The following ROBO1 variants were observed in gnomAD, a reference collection of about 807,000 sequenced individuals.
The protein encoded by ROBO1 is roundabout guidance receptor 1.
A neutral mutation model predicts 195.9 loss-of-function variants in ROBO1; 149 were observed. That is an observed-to-expected ratio of 0.76 (90% CI 0.67 to 0.87). The LOEUF is 0.87. ROBO1 is among the 40% of genes least tolerant of loss of function. ROBO1 has a pLI of 0.00. For synonymous variants in ROBO1, 816 were observed against 733.2 expected (o/e 1.11, Z -1.82); for missense variants, 1,933 against 2,068.3 (o/e 0.93, Z 1.27).
At chr3:79,653,021 T>A (rs1946056540) in intron 1 of ROBO1, among the ~76,000 whole-genome samples, 2 of 151,902 alleles carry the variant, frequency 1.3e-5, no homozygotes, top group African/African-American at 4.8e-5. Context: ...AATATGTTTT[T>A]GCTTCACTTA....
intron 2 of ROBO1, among the ~76,000 whole-genome samples, chr3:79,400,334 G>A (rs963149878): frequency 3.9e-5 from 6 of 151,912 alleles, no homozygotes; most frequent in Admixed American, 3.9e-4. Flanking sequence ...TTTAACAAAT[G>A]CTAATATAAG....
intron 3 of ROBO1, 123 bp downstream of exon 3, chr3:79,125,333 G>C: frequency 1.3e-6 from 1 of 765,608 alleles, no homozygotes. Flanking sequence ...TTTGAAAAAT[G>C]AGAAATTGTG....
chr3:79,335,879 A>G (rs1244965680), intron 2 of ROBO1, among the ~76,000 whole-genome samples: 6 of 152,210 alleles, frequency 3.9e-5, no homozygotes, highest in Non-Finnish European at 7.3e-5. Context: ...CAAAATGCTG[A>G]TAGTGATATG....
intron 30 of ROBO1, among the ~76,000 whole-genome samples, chr3:78,599,177 G>T (rs1053039703): frequency 1.3e-5 from 2 of 152,164 alleles, no homozygotes; most frequent in African/African-American, 4.8e-5. Flanking sequence ...AGGGCTCTGA[G>T]AAGCGGGAAG....
intron 2 of ROBO1, among the ~76,000 whole-genome samples, chr3:79,316,228 C>T (rs2033731780): frequency 6.6e-6 from 1 of 151,982 alleles, no homozygotes. Flanking sequence ...GTAGGGCAAA[C>T]TGATTGGAGG....
At chr3:78,995,284 AT>A (rs2077336169) in intron 3 of ROBO1, among the ~76,000 whole-genome samples, 1 of 152,132 alleles carries the variant, frequency 6.6e-6, no homozygotes, top group African/African-American at 2.4e-5. Flanking sequence ...GGAATGCTAC[AT>A]TGCACAAATC....
chr3:79,015,926 G>C (rs2077920703), intron 3 of ROBO1, among the ~76,000 whole-genome samples: 1 of 152,128 alleles, frequency 6.6e-6, no homozygotes, highest in South Asian at 2.1e-4. Context: ...AAGAAAAAAA[G>C]AACTGACAAC....
At chr3:78,638,597 C>T (rs1300048679) in intron 22 of ROBO1, among the ~76,000 whole-genome samples, 1 of 152,114 alleles carries the variant, frequency 6.6e-6, no homozygotes, top group Non-Finnish European at 1.5e-5. Flanking sequence ...ATGCCAGGCA[C>T]AGTAGCTCAC....
At chr3:79,649,521 C>T (rs903173139) in intron 1 of ROBO1, among the ~76,000 whole-genome samples, 4 of 151,844 alleles carry the variant, frequency 2.6e-5, no homozygotes, top group Admixed American at 6.6e-5. Context: ...TTTAAACACT[C>T]GTGAATCAAA....
intron 2 of ROBO1, among the ~76,000 whole-genome samples, chr3:79,447,731 G>A (rs772817050): frequency 2.0e-5 from 3 of 152,050 alleles, no homozygotes; most frequent in Non-Finnish European, 4.4e-5. Context: ...CTAATGTTAT[G>A]GATACACTAG....
At chr3:78,793,249 C>A (rs576017148) in intron 4 of ROBO1, among the ~76,000 whole-genome samples, 41 of 152,004 alleles carry the variant, frequency 2.7e-4, no homozygotes, top group African/African-American at 8.4e-4. Flanking sequence ...AATACAAATA[C>A]GAGTTCATTA....
At chr3:78,693,179 T>C (rs2081213424) in intron 8 of ROBO1, 1 of 807,910 alleles carries the variant, frequency 1.2e-6, no homozygotes. Flanking sequence ...CAGTTACCCA[T>C]ACTTCCTGCA....
At chr3:78,663,473 T>C (rs1411036808) in intron 14 of ROBO1, among the ~76,000 whole-genome samples, 1 of 152,150 alleles carries the variant, frequency 6.6e-6, no homozygotes, top group African/African-American at 2.4e-5. Flanking sequence ...CATCTCTTCC[T>C]TACCCACTGG....
Position 79,010,420 on chromosome 3 carries a change from T to C in ROBO1, c.173-71493A>G, listed in dbSNP as rs112174552. On this transcript the variant is annotated intron_variant, in intron 3 of 30. Coordinates refer to ENST00000464233, the MANE Select transcript of ROBO1 (RefSeq NM_002941.4). The stretch of plus-strand genomic sequence containing the variant: ...TCATTTCTAATATGATTGTTTTAAG[T>C]ATTAAATAAGATAAGGCATGTTAGC... Among the ~76,000 whole-genome samples, 1,191 of 152,230 alleles carry C rather than the reference T, an allele frequency of 7.8e-3. 18 individuals carry two copies. The highest frequency in any genetic ancestry group is 0.027 in the African/African-American group (1,131 of 41,542).
At chr3:78,796,831 A>T (rs988342841) in intron 4 of ROBO1, among the ~76,000 whole-genome samples, 5 of 152,152 alleles carry the variant, frequency 3.3e-5, no homozygotes, top group African/African-American at 1.2e-4. Flanking sequence ...CTGTCTAATG[A>T]ATCTTTGAAA....
At chr3:79,099,871 G>T (rs560815254) in intron 3 of ROBO1, among the ~76,000 whole-genome samples, 5 of 151,778 alleles carry the variant, frequency 3.3e-5, no homozygotes, top group African/African-American at 1.2e-4. Flanking sequence ...TTTGAGAGGA[G>T]GAAATAACTC....
chr3:79,672,558 T>C (rs1946662150), intron 1 of ROBO1, among the ~76,000 whole-genome samples: 1 of 151,940 alleles, frequency 6.6e-6, no homozygotes, highest in Non-Finnish European at 1.5e-5. Context: ...AGACGTAAAC[T>C]CTTATTTTTT....
At chr3:78,750,376 C>T (rs553459418) in intron 4 of ROBO1, among the ~76,000 whole-genome samples, 1 of 151,400 alleles carries the variant, frequency 6.6e-6, no homozygotes, top group East Asian at 2.0e-4. Flanking sequence ...TGGTGTGAAC[C>T]CAGGAGGTGG....
At chr3:78,909,606 T>C (rs2038128560) in intron 4 of ROBO1, among the ~76,000 whole-genome samples, 1 of 151,882 alleles carries the variant, frequency 6.6e-6, no homozygotes, top group Admixed American at 6.6e-5. Flanking sequence ...ATAATTTATT[T>C]GTGGTGGTGA....
Sources: gnomAD v4.1 joint callset for allele counts (sites outside exome capture counted in the v4.1 genomes callset) on GRCh38, gnomAD v4.1.1 for gene constraint, MANE v1.5 for transcripts, NCBI Gene and HGNC (gene_info 2026-07-23, HGNC 2026-07-21) for gene names.